The following EYS variants were observed in gnomAD, a reference collection of about 807,000 sequenced individuals.
EYS encodes the protein EGF-like photoreceptor maintenance factor.
Under a neutral mutation model 282.1 loss-of-function variants are expected in EYS, and 250 were observed. The observed-to-expected ratio is 0.89, with a 90% CI of 0.80 to 0.98. The LOEUF (loss-of-function observed/expected upper bound fraction) is 0.98, where lower values mean the gene tolerates loss of function less well. Among genes scored for constraint, EYS ranks in the 50% least tolerant of loss-of-function variants. The pLI, the probability that EYS is intolerant of heterozygous loss-of-function variation, is 0.00. For missense variants in EYS, 4,016 were observed against 3,709.0 expected (o/e 1.08, Z -2.15); for synonymous variants, 1,355 against 1,282.9 (o/e 1.06, Z -1.20).
At chr6:64,404,988 T>C (rs1433438907) in intron 28 of EYS, among the ~76,000 whole-genome samples, 1 of 152,178 alleles carries the variant, frequency 6.6e-6, no homozygotes, top group Non-Finnish European at 1.5e-5. Flanking sequence ...TATTTTATTT[T>C]ATTTATTTTA....
chr6:65,258,324 T>A (rs1292625633), intron 12 of EYS, among the ~76,000 whole-genome samples: 4 of 152,166 alleles, frequency 2.6e-5, no homozygotes, highest in African/African-American at 9.6e-5. Context: ...GCACTTTCCA[T>A]TCAAAGTAAT....
At chr6:64,678,043 C>T (rs1769756399) in intron 22 of EYS, among the ~76,000 whole-genome samples, 2 of 152,024 alleles carry the variant, frequency 1.3e-5, no homozygotes, top group African/African-American at 2.4e-5. Context: ...TTCCCCCTTG[C>T]TGTTTTATAT....
intron 8 of EYS, among the ~76,000 whole-genome samples, chr6:65,367,009 C>T (rs549892714): frequency 6.6e-6 from 1 of 151,704 alleles, no homozygotes; most frequent in East Asian, 1.9e-4. Flanking sequence ...ATCTCTTTAT[C>T]TCAAGATACT....
chr6:65,088,411 A>T (rs935575710), intron 12 of EYS, among the ~76,000 whole-genome samples: 1 of 152,200 alleles, frequency 6.6e-6, no homozygotes, highest in African/African-American at 2.4e-5. Context: ...AAGTGGTCTC[A>T]GATGGAGATG....
chr6:64,692,999 T>TTTTTTTTTTTTTTC (rs1770444903), intron 22 of EYS, among the ~76,000 whole-genome samples: 1 of 66,072 alleles, frequency 1.5e-5, no homozygotes, highest in Non-Finnish European at 3.6e-5. Context: ...TTTTTTTTTT[T>TTTTTTTTTTTTTTC]GGTTCCAGAG....
intron 5 of EYS, among the ~76,000 whole-genome samples, chr6:65,458,857 G>A (rs1582322983): frequency 6.6e-6 from 1 of 152,076 alleles, no homozygotes; most frequent in East Asian, 1.9e-4. Context: ...AAATTGCAAT[G>A]TTTCAAATAA....
At chr6:64,334,269 A>C (rs1299790583) in intron 29 of EYS, among the ~76,000 whole-genome samples, 3 of 152,190 alleles carry the variant, frequency 2.0e-5, no homozygotes, top group Non-Finnish European at 2.9e-5. Context: ...CTTATCAATT[A>C]CTACCTGATA....
intron 22 of EYS, among the ~76,000 whole-genome samples, chr6:64,672,807 G>T (rs564302512): frequency 6.6e-6 from 1 of 152,018 alleles, no homozygotes; most frequent in Admixed American, 6.6e-5. Context: ...TAACTTTTCT[G>T]GTTAAACTTG....
Position 64,489,556 on chromosome 6 carries a change from AT to A in EYS, c.5645-50205del, listed in dbSNP as rs1350002166. On this transcript the variant is annotated intron_variant, in intron 26 of 42. Transcript: ENST00000503581. ...TATAAATATTTTAATTAATATAAAAATTTTAATATAAAAATATTTTATGTTA... is the reference window on the plus strand; with the variant it reads ...TATAAATATTTTAATTAATATAAAAATTTAATATAAAAATATTTTATGTTA... Among the ~76,000 whole-genome samples, 62 of 147,416 alleles carry A rather than the reference AT, an allele frequency of 4.2e-4. No individual in the cohort carries two copies. In the East Asian group the frequency reaches 0.012, roughly 28 times the overall value.
At chr6:64,687,826 T>G (rs572709621) in intron 22 of EYS, among the ~76,000 whole-genome samples, 3 of 152,204 alleles carry the variant, frequency 2.0e-5, no homozygotes, top group African/African-American at 7.2e-5. Flanking sequence ...TCTGGTAGAA[T>G]TCGGCAGTGA....
chr6:64,134,628 G>A (rs1033091121), intron 31 of EYS, among the ~76,000 whole-genome samples: 2 of 152,032 alleles, frequency 1.3e-5, no homozygotes, highest in Non-Finnish European at 2.9e-5. Flanking sequence ...GAATGTTGGT[G>A]TGGTGGATGG....
chr6:65,490,690 T>C lies in EYS; in HGVS notation c.766A>G (p.Ile256Val). The change falls in exon 5 of 43, where the codon ATA becomes GTA. Residue 256 changes from isoleucine (I) to valine (V), a missense_variant. Ile to Val is a conservative substitution (Grantham distance 29). Coordinates refer to ENST00000503581, the MANE Select transcript of EYS (RefSeq NM_001142800.2). The stretch of plus-strand genomic sequence containing the variant: ...ACATGTGGTTGACACTGGCCAATTA[T>C]TTCTGAGCAATTCTTTCCTATAACA... ...PPFTGKNCSE[I>V]IGQCQPHVCF... is the part of the protein sequence containing the mutation. The C allele has an allele frequency of 1.9e-6, 3 of 1,611,296 alleles. No individual in the cohort carries two copies. Among genetic ancestry groups the C allele is most frequent in the Non-Finnish European group, 2.5e-6 (3 of 1,177,762 alleles).
At chr6:65,402,204 T>C (rs1766535171) in intron 7 of EYS, among the ~76,000 whole-genome samples, 1 of 151,894 alleles carries the variant, frequency 6.6e-6, no homozygotes, top group Non-Finnish European at 1.5e-5. Context: ...TATTTGATTA[T>C]ATTAAAACCT....
At chr6:65,331,740 G>C in intron 11 of EYS, 3 of 980,386 alleles carry the variant, frequency 3.1e-6, no homozygotes, top group Non-Finnish European at 3.6e-6. Context: ...ACAAGTATTT[G>C]TTGAGCACTA....
chr6:63,980,907 T>C, intron 35 of EYS, among the ~76,000 whole-genome samples: 1 of 151,832 alleles, frequency 6.6e-6, no homozygotes, highest in East Asian at 1.9e-4. Flanking sequence ...GCTAACAACA[T>C]AGATAGGAAG....
At chr6:64,047,930 G>A (rs1243305322) in intron 33 of EYS, among the ~76,000 whole-genome samples, 1 of 152,106 alleles carries the variant, frequency 6.6e-6, no homozygotes, top group Admixed American at 6.6e-5. Context: ...TTTTGAGACA[G>A]ACTCTTACTC....
intron 31 of EYS, among the ~76,000 whole-genome samples, chr6:64,183,389 G>T: frequency 6.6e-6 from 1 of 152,176 alleles, no homozygotes; most frequent in East Asian, 1.9e-4. Context: ...AAGTAGTAGA[G>T]TGAACATTCT....
chr6:64,357,858 T>C (rs951798967), intron 29 of EYS, among the ~76,000 whole-genome samples: 8 of 151,556 alleles, frequency 5.3e-5, no homozygotes, highest in African/African-American at 1.7e-4. Flanking sequence ...AGCAGTGTTT[T>C]TTTCACCACT....
At chr6:64,028,304 A>G (rs28824871) in intron 33 of EYS, among the ~76,000 whole-genome samples, 1 of 152,224 alleles carries the variant, frequency 6.6e-6, no homozygotes, top group African/African-American at 2.4e-5. Context: ...AATATCCTTT[A>G]AGGCCTGAAG....
Sources: allele counts gnomAD v4.1 joint callset (sites outside exome capture counted in the v4.1 genomes callset), GRCh38; gene constraint gnomAD v4.1.1; transcripts MANE v1.5; gene names NCBI Gene and HGNC (gene_info 2026-07-23, HGNC 2026-07-21).